Variants in KMO observed in about 807,000 individuals in gnomAD.
The protein encoded by KMO is kynurenine 3-hydroxylase.
A neutral mutation model predicts 57.8 loss-of-function variants in KMO; 24 were observed. That is an observed-to-expected ratio of 0.42 (90% CI 0.30 to 0.58). The LOEUF (loss-of-function observed/expected upper bound fraction) is 0.58, where lower values mean the gene tolerates loss of function less well. Among genes scored for constraint, KMO ranks in the 20% least tolerant of loss-of-function variants. The pLI is 0.22. For missense variants in KMO, 483 were observed against 588.2 expected (o/e 0.82, Z 1.85); for synonymous variants, 210 against 193.6 (o/e 1.08, Z -0.70).
chr1:241,555,031 C>T (rs1217825962), intron 4 of KMO, among the ~76,000 whole-genome samples: 1 of 152,004 alleles, frequency 6.6e-6, no homozygotes, highest in Non-Finnish European at 1.5e-5. Context: ...TCTACCTTGC[C>T]TCAAGGGAGG....
At chr1:241,559,095 T>C (rs2147957888) in intron 5 of KMO, among the ~76,000 whole-genome samples, 1 of 150,514 alleles carries the variant, frequency 6.6e-6, no homozygotes, top group South Asian at 2.1e-4. Flanking sequence ...AGTGAAACTC[T>C]GTCTCAAAAA....
Position 241,593,918 on chromosome 1 carries a change from G to A in KMO, c.*1765G>A, listed in dbSNP as rs115712723. The stretch of plus-strand genomic sequence containing the variant: ...CTTTGTCATACTGCACATATAAAAC[G>A]TCTTTTGTTTCCAACAAGAGGATTT... On this transcript the variant is annotated 3_prime_UTR_variant, in exon 15 of 15. Coordinates refer to ENST00000366559, the MANE Select transcript of KMO (RefSeq NM_003679.5). The A allele has an allele frequency of 1.0e-3, 155 of 154,542 alleles. No individual in the cohort carries two copies. The highest frequency in any genetic ancestry group is 1.7e-3 in the Admixed American group (27 of 15,760). The allele number at this position is 154,542 out of a possible 1,614,324, so 9.6% of individuals were successfully genotyped here. A position where few individuals can be genotyped will look rare whatever the true frequency, so the allele number is the denominator to read the frequency against.
At chr1:241,589,174 A>C (rs1436076800) in intron 12 of KMO, among the ~76,000 whole-genome samples, 1 of 152,242 alleles carries the variant, frequency 6.6e-6, no homozygotes, top group Non-Finnish European at 1.5e-5. Flanking sequence ...AAATCTAAGA[A>C]ATGTTGAATG....
intron 14 of KMO, 155 bp downstream of exon 14, chr1:241,590,418 C>G (rs557592703): frequency 6.6e-6 from 4 of 609,070 alleles, no homozygotes; most frequent in East Asian, 2.8e-5. Flanking sequence ...AGAGAGGGAA[C>G]AGTGCTTACT....
At chr1:241,580,044 G>C (rs943795186) in intron 10 of KMO, among the ~76,000 whole-genome samples, 2 of 152,162 alleles carry the variant, frequency 1.3e-5, no homozygotes, top group African/African-American at 4.8e-5. Flanking sequence ...CTTCCCCCAT[G>C]GACTGGATTG....
chr1:241,594,744 T>G lies in KMO; in HGVS notation c.*2591T>G. On this transcript the variant is annotated 3_prime_UTR_variant, in exon 15 of 15. Transcript: ENST00000366559. The stretch of plus-strand genomic sequence containing the variant: ...ATTAAGTAAAAGTTGGGCACTAATC[T>G]GGATTAACATTCGAGGAAATCAGTT... 1.9e-6 allele frequency: 3 copies of G among 1,571,642 alleles called. No individual in the cohort carries two copies. Among genetic ancestry groups the G allele is most frequent in the East Asian group, 2.2e-5 (1 of 44,496 alleles).
Position 241,594,551 on chromosome 1 carries a change from T to A in KMO, c.*2398T>A, listed in dbSNP as rs1403580402. ...TGGAAGAAGAGTTGAAAGTCACTTT[T>A]TTCTTTGGCCTGTCCCCATCTTTCT... On this transcript the variant is annotated 3_prime_UTR_variant, in exon 15 of 15. Transcript: ENST00000366559. 1.2e-6 allele frequency: 2 copies of A among 1,614,140 alleles called. No individual in the cohort carries two copies. Among genetic ancestry groups the A allele is most frequent in the Admixed American group, 1.7e-5 (1 of 60,020 alleles).
chr1:241,577,725 T>A (rs1256004320), intron 10 of KMO, among the ~76,000 whole-genome samples: 12 of 152,176 alleles, frequency 7.9e-5, no homozygotes, highest in East Asian at 3.8e-4. Flanking sequence ...TAGCTCAGGT[T>A]TCAGGCCAGT....
At chr1:241,553,897 A>T (rs956365059) in intron 4 of KMO, among the ~76,000 whole-genome samples, 1 of 152,188 alleles carries the variant, frequency 6.6e-6, no homozygotes, top group Non-Finnish European at 1.5e-5. Context: ...TTATTTTTAC[A>T]CCAAGTATAG....
chr1:241,543,402 G>A (rs560224262), intron 1 of KMO, among the ~76,000 whole-genome samples: 1 of 152,238 alleles, frequency 6.6e-6, no homozygotes, highest in African/African-American at 2.4e-5. Flanking sequence ...TTTGTATCAT[G>A]CAGTATAAAA....
chr1:241,543,301 C>T (rs1460114205), intron 1 of KMO, among the ~76,000 whole-genome samples: 3 of 152,100 alleles, frequency 2.0e-5, no homozygotes, highest in East Asian at 1.9e-4. Context: ...ACATATTTAT[C>T]TCATGTATAC....
Position 241,592,071 on chromosome 1 carries a change from T to G in KMO, c.1379T>G (p.Ile460Arg), listed in dbSNP as rs1663325761. 1 of 1,613,912 alleles carries G rather than the reference T, an allele frequency of 6.2e-7. No homozygotes were observed. Among genetic ancestry groups the G allele is most frequent in the African/African-American group, 1.3e-5 (1 of 74,904 alleles). Residue 460 changes from isoleucine to arginine, a missense_variant, in exon 15 of 15, where the codon ATA (isoleucine) becomes AGA (arginine). By Grantham distance (97) the Ile-to-Arg change is moderately conservative. Around this residue, in one of 3 missense-constraint regions of KMO, gnomAD observed 410 missense variants for 492.3 expected, o/e 0.83. Transcript: ENST00000366559. ...CGCTTGAGAAGACCATGGAACTGGA[T>G]AGCTCACTTCCGGAATACAACATGT... Reference protein sequence around the residue: ...FLRLRRPWNWIAHFRNTTCFP... With the variant: ...FLRLRRPWNWRAHFRNTTCFP...
intron 1 of KMO, among the ~76,000 whole-genome samples, chr1:241,547,621 T>C (rs1661197999): frequency 6.6e-6 from 1 of 151,088 alleles, no homozygotes; most frequent in South Asian, 2.1e-4. Flanking sequence ...CTTTAGTAAT[T>C]AAGCATATGC....
intron 9 of KMO, 132 bp from the exon 10 acceptor site, chr1:241,568,368 T>C: frequency 1.1e-6 from 1 of 870,592 alleles, no homozygotes; most frequent in Non-Finnish European, 1.8e-6. Context: ...GTTTTTCCCT[T>C]TTCTGTTTTC....
Position 241,568,616 on chromosome 1 carries a change from T to C in KMO, c.926T>C (p.Ile309Thr), listed in dbSNP as rs964817121. 27 of 1,613,914 alleles carry C rather than the reference T, an allele frequency of 1.7e-5. No individual in the cohort carries two copies. The highest frequency in any genetic ancestry group is 2.2e-5 in the Non-Finnish European group (26 of 1,179,850). The change falls in exon 10 of 15, where the codon ATA (isoleucine) becomes ACA (threonine). Residue 309 changes from isoleucine to threonine, a missense_variant. By Grantham distance (89) the Ile-to-Thr change is moderately conservative (BLOSUM62 -1). Coordinates refer to ENST00000366559, the MANE Select transcript of KMO (RefSeq NM_003679.5). ...CVLLGDAAHA[I>T]VPFFGQGMNA... ...CTGCTGGGAGATGCAGCTCATGCTA[T>C]AGTGCCGTTTTTTGGGCAAGGAATG...
In KMO at chr1:241,591,941, G is replaced by T. The variant is rs982671282; in HGVS notation, c.1261-12G>T. 8 of 1,606,300 alleles carry T rather than the reference G, an allele frequency of 5.0e-6. No homozygotes were observed. The highest frequency in any genetic ancestry group is 6.8e-6 in the Non-Finnish European group (8 of 1,173,810). Reference sequence around the variant, plus strand: ...CTGGACAAATGAAATGAGAGTTCTTGCTGTCTTACAGGTGATAAACAAAGG... The same window carrying T: ...CTGGACAAATGAAATGAGAGTTCTTTCTGTCTTACAGGTGATAAACAAAGG... On this transcript the variant is annotated splice_polypyrimidine_tract_variant and intron_variant, in intron 14 of 14. Transcript: ENST00000366559.
intron 3 of KMO, among the ~76,000 whole-genome samples, chr1:241,550,289 T>C (rs952899189): frequency 2.6e-5 from 4 of 152,224 alleles, no homozygotes; most frequent in African/African-American, 4.8e-5. Context: ...GTTTATGTGA[T>C]ATCCAGCATA....
chr1:241,570,724 C>T (rs908594934), intron 10 of KMO, among the ~76,000 whole-genome samples: 2 of 152,032 alleles, frequency 1.3e-5, no homozygotes, highest in Admixed American at 6.6e-5. Context: ...TGTGATGCCT[C>T]CAGTTTTGTT....
chr1:241,557,640 G>C (rs1179802538), intron 5 of KMO, among the ~76,000 whole-genome samples: 1 of 152,146 alleles, frequency 6.6e-6, no homozygotes, highest in Non-Finnish European at 1.5e-5. Context: ...GAGCCAGTTT[G>C]CTAGGTATAT....
Sources: gnomAD v4.1 joint callset for allele counts (sites outside exome capture counted in the v4.1 genomes callset) on GRCh38, gnomAD v4.1.1 for gene constraint, gnomAD v4.1.1 regional missense constraint, MANE v1.5 for transcripts, NCBI Gene and HGNC (gene_info 2026-07-23, HGNC 2026-07-21) for gene names.